Variants in SAMD5 observed in about 807,000 individuals in gnomAD.
The protein encoded by SAMD5 is sterile alpha motif domain-containing protein 5.
SAMD5 carries 13 observed loss-of-function variants against 11.3 expected under a neutral mutation model. That is an observed-to-expected ratio of 1.15 (90% CI 0.75 to 1.83). SAMD5 has a LOEUF of 1.83. SAMD5 is among the 40% of genes most tolerant of loss of function. SAMD5 has a pLI of 0.00. For missense variants in SAMD5, 255 were observed against 239.1 expected (o/e 1.07, Z -0.44); for synonymous variants, 129 against 111.3 (o/e 1.16, Z -1.00).
chr6:147,509,492 G>A, intron 1 of SAMD5, 105 bp downstream of exon 1: 1 of 1,011,520 alleles, frequency 9.9e-7, no homozygotes, highest in South Asian at 1.7e-5. Flanking sequence ...CGACGGAGAG[G>A]CCAGGAGGCT....
In SAMD5 at chr6:147,534,300, C is replaced by T. The variant is rs181953388; in HGVS notation, c.459+24913C>T. On this transcript the variant is annotated intron_variant, in intron 1 of 1. Coordinates refer to ENST00000367474, the MANE Select transcript of SAMD5 (RefSeq NM_001030060.3). The stretch of plus-strand genomic sequence containing the variant: ...GCGAAAGGACTGTGTTCTTTTTTCT[C>T]GTGGCACCCTTTTTGAAGCAAAATC... 2.9e-3 allele frequency among the ~76,000 whole-genome samples: 448 copies of T among 152,186 alleles called. 3 individuals are homozygous for T. Among genetic ancestry groups the T allele is most frequent in the Non-Finnish European group, 5.0e-3 (342 of 67,994 alleles).
the SAMD5 span, among the ~76,000 whole-genome samples, chr6:147,819,251 C>T: frequency 2.0e-5 from 3 of 152,074 alleles, no homozygotes; most frequent in African/African-American, 7.2e-5. Flanking sequence ...ACTGCATATT[C>T]TCAGTTATAA....
the SAMD5 span, among the ~76,000 whole-genome samples, chr6:147,816,281 CAAA>C: frequency 3.6e-5 from 1 of 27,832 alleles, no homozygotes; most frequent in African/African-American, 1.6e-4. Flanking sequence ...ACTCCGTCTC[CAAA>C]AAAAAAAAAA....
chr6:147,558,114 A>G (rs1788886847), intron 1 of SAMD5, among the ~76,000 whole-genome samples: 1 of 152,244 alleles, frequency 6.6e-6, no homozygotes. Context: ...CGTCATGGCA[A>G]TTATATTGGT....
chr6:147,622,679 T>C (rs547334955), intron 1 of SAMD5, among the ~76,000 whole-genome samples: 1 of 152,340 alleles, frequency 6.6e-6, no homozygotes, highest in Admixed American at 6.5e-5. Context: ...GACAGGAAGA[T>C]GCCTGGCCAG....
chr6:147,529,074 G>A (rs1788388208), intron 1 of SAMD5, among the ~76,000 whole-genome samples: 1 of 152,200 alleles, frequency 6.6e-6, no homozygotes, highest in East Asian at 1.9e-4. Flanking sequence ...GATTAAGTCA[G>A]AAAATGTATG....
chr6:147,945,011 G>A, the SAMD5 span, among the ~76,000 whole-genome samples: 1 of 152,152 alleles, frequency 6.6e-6, no homozygotes. Flanking sequence ...ATCATTGCCT[G>A]CCAATTGCAT....
rs567057508 is a variant in SAMD5 at position 147,651,703 on chromosome 6, AC to A, written c.163-85611del. On this transcript the variant is annotated intron_variant, in intron 1 of 1. Transcript: ENST00000566741. ...AATATATTTCTGTTGTTTATAAGCC[AC>A]CCGGTTTGAAGTATTTTATTATAGT... 4.4e-3 allele frequency among the ~76,000 whole-genome samples: 674 copies of A among 152,246 alleles called. 10 individuals are homozygous for A. The highest frequency in any genetic ancestry group is 0.016 in the African/African-American group (647 of 41,540).
At chr6:147,633,324 C>T (rs844622) in intron 1 of SAMD5, among the ~76,000 whole-genome samples, 114,444 of 152,002 alleles carry the variant, frequency 0.75, 43,799 homozygotes, top group African/African-American at 0.9. Flanking sequence ...CACCGCCTGC[C>T]ATGTCTTCTG....
At chr6:147,661,408 G>A (rs1790646881) in intron 1 of SAMD5, among the ~76,000 whole-genome samples, 1 of 152,170 alleles carries the variant, frequency 6.6e-6, no homozygotes, top group African/African-American at 2.4e-5. Flanking sequence ...AAATTTTAAG[G>A]CAAGGGTTTT....
At chr6:147,868,914 A>T in the SAMD5 span, among the ~76,000 whole-genome samples, 2 of 152,208 alleles carry the variant, frequency 1.3e-5, no homozygotes, top group African/African-American at 4.8e-5. Context: ...ATGACCAAAA[A>T]TAAGTACTCT....
chr6:147,522,438 A>C (rs907214998), intron 1 of SAMD5, among the ~76,000 whole-genome samples: 1 of 152,180 alleles, frequency 6.6e-6, no homozygotes, highest in Non-Finnish European at 1.5e-5. Flanking sequence ...AACATCTTTT[A>C]GGCAACTTAA....
At chr6:147,536,611 G>C (rs1283790009) in intron 1 of SAMD5, among the ~76,000 whole-genome samples, 1 of 151,910 alleles carries the variant, frequency 6.6e-6, no homozygotes, top group Non-Finnish European at 1.5e-5. Context: ...ATTATAAACT[G>C]CCTTTTGAAA....
chr6:147,780,775 AC>A, the SAMD5 span, among the ~76,000 whole-genome samples: 14 of 152,220 alleles, frequency 9.2e-5, no homozygotes, highest in Non-Finnish European at 1.6e-4. Flanking sequence ...AGTGGAAGCT[AC>A]TTATGGAAAA....
chr6:147,783,292 G>A, the SAMD5 span, among the ~76,000 whole-genome samples: 1 of 151,248 alleles, frequency 6.6e-6, no homozygotes, highest in African/African-American at 2.4e-5. Context: ...AATAATATAC[G>A]AGAACATCAA....
chr6:147,764,914 G>A, the SAMD5 span, among the ~76,000 whole-genome samples: 2 of 152,166 alleles, frequency 1.3e-5, no homozygotes, highest in South Asian at 2.1e-4. Flanking sequence ...TATGCACGGT[G>A]GTTTGATACC....
At chr6:147,741,170 A>C (rs927184232), downstream of SAMD5, among the ~76,000 whole-genome samples, 1 of 152,124 alleles carries the variant, frequency 6.6e-6, no homozygotes, top group Non-Finnish European at 1.5e-5. Flanking sequence ...CTAGAGGTAA[A>C]GACATGAAAC....
chr6:147,931,725 A>G, the SAMD5 span, among the ~76,000 whole-genome samples: 2 of 152,302 alleles, frequency 1.3e-5, no homozygotes, highest in East Asian at 3.9e-4. Context: ...CAGTCTGTTC[A>G]TTTTGATAAG....
chr6:147,848,080 C>T, the SAMD5 span, among the ~76,000 whole-genome samples: 2 of 152,072 alleles, frequency 1.3e-5, no homozygotes, highest in Non-Finnish European at 1.5e-5. Context: ...AATATTGTTT[C>T]CAGAATAGAA....
Sources: gnomAD v4.1 joint callset for allele counts (sites outside exome capture counted in the v4.1 genomes callset) on GRCh38, gnomAD v4.1.1 for gene constraint, MANE v1.5 for transcripts, NCBI Gene and HGNC (gene_info 2026-07-23, HGNC 2026-07-21) for gene names.